Variants in ERO1A observed in about 807,000 individuals in gnomAD.
The protein encoded by ERO1A is endoplasmic reticulum oxidoreductase 1 alpha, also known as ERO1-like protein alpha.
A neutral mutation model predicts 76.9 loss-of-function variants in ERO1A; 49 were observed. That is an observed-to-expected ratio of 0.64 (90% CI 0.51 to 0.81). The LOEUF (loss-of-function observed/expected upper bound fraction) is 0.81. Ranked by LOEUF, ERO1A falls within the 30% of genes least tolerant of loss-of-function variation. The probability of loss-of-function intolerance (pLI) is 0.00; values close to 1 mark genes in which losing one functional copy is unlikely to be tolerated. For synonymous variants in ERO1A, 174 were observed against 181.2 expected, an observed-to-expected ratio of 0.96 and a Z score of 0.32; for missense variants, 448 against 542.1, an observed-to-expected ratio of 0.83 and a Z score of 1.72.
chr14:52,658,099 A>G, intron 10 of ERO1A, 25 bp downstream of exon 10: 3 of 1,503,768 alleles, frequency 2.0e-6, no homozygotes, highest in Non-Finnish European at 2.7e-6. Flanking sequence ...CCATCATTGA[A>G]ATTTATTTTA....
intron 11 of ERO1A, among the ~76,000 whole-genome samples, chr14:52,654,894 A>C (rs1490504689): frequency 6.6e-6 from 1 of 152,118 alleles, no homozygotes; most frequent in Non-Finnish European, 1.5e-5. Context: ...GGTACTTTGT[A>C]GGTTTTGATG....
Position 52,690,110 on chromosome 14 carries a change from CA to C in ERO1A, c.114+5257del, listed in dbSNP as rs561988713. Among the ~76,000 whole-genome samples, 20 of 152,154 alleles carry C rather than the reference CA, an allele frequency of 1.3e-4. No individual in the cohort carries two copies. The East Asian group carries it at 3.5e-3, about 26-fold the overall frequency. On this transcript the variant is annotated intron_variant, in intron 1 of 15. Transcript: ENST00000395686. ...TTGGATCTTTATCTTACAACACACACAAAAGTCAACTAAAAGCTGATTAAAG... is the reference window on the plus strand; with the variant it reads ...TTGGATCTTTATCTTACAACACACACAAAGTCAACTAAAAGCTGATTAAAG...
intron 8 of ERO1A, among the ~76,000 whole-genome samples, chr14:52,662,908 AAAT>A (rs1594824798): frequency 6.6e-6 from 1 of 152,292 alleles, no homozygotes; most frequent in East Asian, 1.9e-4. Flanking sequence ...ATAGATACAT[AAAT>A]AATAATAAAA....
chr14:52,671,821 T>G lies in ERO1A; in HGVS notation c.408A>C (p.Arg136=). 1 of 1,609,402 alleles carries G rather than the reference T, an allele frequency of 6.2e-7. No homozygotes were observed. Among genetic ancestry groups the G allele is most frequent in the African/African-American group, 1.3e-5 (1 of 74,914 alleles). The change falls in exon 5 of 16, where the codon CGA becomes CGC. Residue 136 remains arginine, a synonymous_variant. Coordinates refer to ENST00000395686, the MANE Select transcript of ERO1A (RefSeq NM_014584.3). ...TCAGAGATTCATCCACTGCTCCAAG[T>G]CGTTCAGCTTGTTCACATTCTTCAA... ...NLIEECEQAE[R]LGAVDESLSE... is the part of the protein sequence containing the mutation.
At position 52,646,451 on chromosome 14, in the gene ERO1A, C is replaced by T. The variant is rs774350848; in HGVS notation, c.1136G>A (p.Arg379Gln). ...KEAHKLKEDFRLHFRNISRIM... is the reference protein window; with the variant it reads ...KEAHKLKEDFQLHFRNISRIM... ...TCTTGAAATATTTCTAAAATGCAGT[C>T]GAAAGTCCTCCTGAAAACAATTTAA... The change falls in exon 14 of 16, where the codon CGA (arginine) becomes CAA (glutamine). Residue 379 changes from arginine to glutamine, a missense_variant. By Grantham distance (43) the Arg-to-Gln change is conservative. This residue lies in a region of ERO1A where 302 missense variants were observed against 411.9 expected (regional missense o/e 0.73). Coordinates refer to ENST00000395686, the MANE Select transcript of ERO1A (RefSeq NM_014584.3). 4.4e-6 allele frequency: 7 copies of T among 1,608,516 alleles called. No homozygotes were observed. The highest frequency in any genetic ancestry group is 2.2e-5 in the South Asian group (2 of 89,956).
chr14:52,664,954 C>A (rs1413501240), intron 7 of ERO1A, among the ~76,000 whole-genome samples: 1 of 151,924 alleles, frequency 6.6e-6, no homozygotes, highest in African/African-American at 2.4e-5. Flanking sequence ...GCCTCCCATT[C>A]TTAATTCACA....
chr14:52,694,466 A>G (rs1175791096), intron 1 of ERO1A, among the ~76,000 whole-genome samples: 7 of 152,322 alleles, frequency 4.6e-5, no homozygotes, highest in East Asian at 1.9e-4. Flanking sequence ...CCCTAAACAC[A>G]TAAAATGGTA....
chr14:52,688,651 T>C (rs1459126982), intron 1 of ERO1A, among the ~76,000 whole-genome samples: 2 of 152,140 alleles, frequency 1.3e-5, no homozygotes, highest in East Asian at 3.9e-4. Context: ...CAGCTAAAAT[T>C]TCCCAAAAAT....
chr14:52,673,392 T>C (rs1282329956), intron 4 of ERO1A, among the ~76,000 whole-genome samples: 1 of 152,194 alleles, frequency 6.6e-6, no homozygotes, highest in Non-Finnish European at 1.5e-5. Context: ...ATCTAGCCAT[T>C]TTGCCATAAT....
intron 4 of ERO1A, among the ~76,000 whole-genome samples, chr14:52,673,849 C>T (rs2040692765): frequency 6.6e-6 from 1 of 152,182 alleles, no homozygotes; most frequent in Admixed American, 6.5e-5. Context: ...GCAACCCTCC[C>T]ACCTCAGCCT....
In ERO1A at chr14:52,695,517, G is replaced by A. The variant is rs2041529113; in HGVS notation, c.-36C>T. 3.5e-6 allele frequency: 5 copies of A among 1,420,084 alleles called. No homozygotes were observed. The highest frequency in any genetic ancestry group is 2.9e-5 in the East Asian group (1 of 34,556). 88.0% of individuals were successfully genotyped at this position (1,420,084 alleles called of 1,614,324 possible). ...GCAGCTTGTCGCCCCACGCTTGGGA[G>A]GCCAGTCCGCACGCTCGGTCGCGGG... On this transcript the variant is annotated 5_prime_UTR_variant, in exon 1 of 16. Transcript: ENST00000395686.
At chr14:52,682,737 A>G (rs2139762061) in intron 2 of ERO1A, among the ~76,000 whole-genome samples, 1 of 152,080 alleles carries the variant, frequency 6.6e-6, no homozygotes, top group South Asian at 2.1e-4. Context: ...CGTCTCTACT[A>G]AAAATACAAA....
chr14:52,684,118 G>GACACACACACACACACACACAC (rs60355765), intron 1 of ERO1A, among the ~76,000 whole-genome samples: 80 of 134,608 alleles, frequency 5.9e-4, no homozygotes, highest in African/African-American at 2.0e-3. Flanking sequence ...CAGAGCTCAT[G>GACACACACACACACACACACAC]ACACACACAC....
intron 1 of ERO1A, among the ~76,000 whole-genome samples, chr14:52,688,003 C>G (rs1401639207): frequency 6.6e-6 from 1 of 152,016 alleles, no homozygotes; most frequent in African/African-American, 2.4e-5. Flanking sequence ...CTGGGCAACA[C>G]AGTGAGGCCC....
intron 1 of ERO1A, 126 bp from the exon 2 acceptor site, chr14:52,684,033 G>A: frequency 1.7e-6 from 1 of 601,920 alleles, no homozygotes; most frequent in East Asian, 2.9e-5. Flanking sequence ...CTCCCACATA[G>A]TTTCTTGAGA....
intron 6 of ERO1A, among the ~76,000 whole-genome samples, chr14:52,669,421 C>A (rs1000128729): frequency 6.6e-6 from 1 of 151,972 alleles, no homozygotes; most frequent in African/African-American, 2.4e-5. Context: ...AAAAAAAATC[C>A]TTGTAGAAAA....
At chr14:52,677,814 G>A (rs1274578704) in intron 4 of ERO1A, among the ~76,000 whole-genome samples, 1 of 132,266 alleles carries the variant, frequency 7.6e-6, no homozygotes, top group Non-Finnish European at 1.5e-5. Context: ...AGTGAGCTAT[G>A]ATCATGCCAC....
At chr14:52,688,338 T>C (rs1272328550) in intron 1 of ERO1A, among the ~76,000 whole-genome samples, 2 of 152,290 alleles carry the variant, frequency 1.3e-5, no homozygotes, top group Non-Finnish European at 2.9e-5. Flanking sequence ...TTAGCGTGTA[T>C]GTTCTAACAT....
At chr14:52,670,128 T>C (rs1370008116) in intron 6 of ERO1A, among the ~76,000 whole-genome samples, 1 of 152,142 alleles carries the variant, frequency 6.6e-6, no homozygotes, top group Admixed American at 6.6e-5. Flanking sequence ...TTGCCCAGGC[T>C]AGGCTCAGCA....
Sources: gnomAD v4.1 joint callset for allele counts (sites outside exome capture counted in the v4.1 genomes callset) on GRCh38, gnomAD v4.1.1 for gene constraint, gnomAD v4.1.1 regional missense constraint, MANE v1.5 for transcripts, NCBI Gene and HGNC (gene_info 2026-07-23, HGNC 2026-07-21) for gene names.